The following XIRP2 variants were observed in gnomAD, a reference collection of about 807,000 sequenced individuals.
XIRP2 encodes the protein xin actin binding repeat containing 2.
Under a neutral mutation model 277.0 loss-of-function variants are expected in XIRP2, and 236 were observed. That is an observed-to-expected ratio of 0.85 (90% CI 0.77 to 0.95). The LOEUF (loss-of-function observed/expected upper bound fraction) is 0.95, where lower values mean the gene tolerates loss of function less well. XIRP2 is among the 40% of genes least tolerant of loss of function. The probability of loss-of-function intolerance (pLI) is 0.00; values close to 1 mark genes in which losing one functional copy is unlikely to be tolerated. For synonymous variants in XIRP2, 1,490 were observed against 1,416.5 expected, an observed-to-expected ratio of 1.05 and a Z score of -1.17; for missense variants, 4,640 against 4,157.5, an observed-to-expected ratio of 1.12 and a Z score of -3.19.
Position 167,239,947 on chromosome 2 carries a change from T to A in XIRP2, c.951T>A (p.Asp317Glu), listed in dbSNP as rs1695005419. The A allele has an allele frequency of 1.9e-6, 3 of 1,602,156 alleles. No individual in the cohort carries two copies. In the East Asian group the frequency reaches 6.7e-5, roughly 36 times the overall value. The change falls in exon 6 of 11, where the codon GAT becomes GAA. Residue 317 changes from aspartate to glutamate, a missense_variant. By Grantham distance (45) the Asp-to-Glu change is conservative. Coordinates refer to ENST00000409195, the MANE Select transcript of XIRP2 (RefSeq NM_152381.6). ...EQEGSKVQKI[D>E]VHGTEMVSHL... ...AAGGGTCCAAAGTACAGAAAATTGA[T>A]GTTCATGGAACAGAAATGGTAACTA...
chr2:167,086,708 G>T (rs1469657470), intron 2 of XIRP2, among the ~76,000 whole-genome samples: 1 of 151,442 alleles, frequency 6.6e-6, no homozygotes, highest in Non-Finnish European at 1.5e-5. Flanking sequence ...TTCCATTGCT[G>T]ATACCCTTTC....
chr2:167,212,605 G>T (rs1430675226), intron 4 of XIRP2, among the ~76,000 whole-genome samples: 2 of 152,164 alleles, frequency 1.3e-5, no homozygotes, highest in African/African-American at 4.8e-5. Flanking sequence ...AAAAGCAAGA[G>T]AAAGTTACTT....
At chr2:166,913,789 A>T (rs1376340667) in intron 2 of XIRP2, among the ~76,000 whole-genome samples, 1 of 152,238 alleles carries the variant, frequency 6.6e-6, no homozygotes, top group Non-Finnish European at 1.5e-5. Flanking sequence ...AGGTAAGTTT[A>T]ACTAAATACA....
Position 167,250,176 on chromosome 2 carries a change from C to T in XIRP2, c.8784C>T (p.Ser2928=). 6.2e-7 allele frequency: 1 copy of T among 1,613,382 alleles called. No homozygotes were observed. Among genetic ancestry groups the T allele is most frequent in the Non-Finnish European group, 8.5e-7 (1 of 1,179,632 alleles). ...QEITQNKSFF[S]SVKESQRDDG... ...TTACACAGAACAAATCTTTCTTTTC[C>T]TCTGTGAAAGAATCCCAGCGGGATG... is the stretch of plus-strand genomic sequence containing the variant. The change falls in exon 9 of 11, where the codon TCC becomes TCT. Residue 2928 remains serine (S), a synonymous_variant. Coordinates refer to ENST00000409195, the MANE Select transcript of XIRP2 (RefSeq NM_152381.6).
chr2:166,937,219 T>C (rs1365133667), intron 2 of XIRP2, among the ~76,000 whole-genome samples: 1 of 152,206 alleles, frequency 6.6e-6, no homozygotes, highest in Admixed American at 6.5e-5. Context: ...TGATATTGGC[T>C]GTGGGTTTGT....
intron 2 of XIRP2, among the ~76,000 whole-genome samples, chr2:167,096,066 G>A (rs1168750163): frequency 7.0e-6 from 1 of 143,862 alleles, no homozygotes; most frequent in African/African-American, 2.8e-5. Flanking sequence ...GTAGAGACTG[G>A]ATTTCACTGG....
intron 2 of XIRP2, among the ~76,000 whole-genome samples, chr2:166,924,905 G>A (rs56393673): frequency 1.4e-3 from 211 of 152,076 alleles, no homozygotes; most frequent in Non-Finnish European, 2.4e-3. Flanking sequence ...TTTCTTTAAC[G>A]CAAAAGCAAG....
intron 5 of XIRP2, among the ~76,000 whole-genome samples, chr2:167,218,925 A>T (rs1694337064): frequency 6.6e-6 from 1 of 152,170 alleles, no homozygotes; most frequent in South Asian, 2.1e-4. Flanking sequence ...AATAAAACTC[A>T]TCAGACTTTG....
intron 5 of XIRP2, among the ~76,000 whole-genome samples, chr2:167,227,996 AAGAC>A (rs1352294482): frequency 6.6e-6 from 1 of 152,144 alleles, no homozygotes; most frequent in Non-Finnish European, 1.5e-5. Context: ...TGTTTCATGA[AAGAC>A]AGAGCTTTAC....
intron 2 of XIRP2, among the ~76,000 whole-genome samples, chr2:167,013,897 A>T (rs1687750778): frequency 6.6e-6 from 1 of 150,982 alleles, no homozygotes; most frequent in South Asian, 2.1e-4. Context: ...CTCATCCTAC[A>T]ACACTCTGAT....
intron 2 of XIRP2, among the ~76,000 whole-genome samples, chr2:167,065,818 AG>A: frequency 6.6e-6 from 1 of 151,968 alleles, no homozygotes; most frequent in Non-Finnish European, 1.5e-5. Context: ...TATTTTTGAA[AG>A]GTATTTTCAC....
At position 167,246,877 on chromosome 2, in the gene XIRP2, G is replaced by A. The variant is rs1314262954; in HGVS notation, c.5485G>A (p.Gly1829Ser). ...TATGACCGAGCCTCAGAGTACATTT[G>A]GTAAGATACCCAAAGAAGAGATTAT... ...VFMTEPQSTFGKIPKEEIIKG... is the reference protein window; with the variant it reads ...VFMTEPQSTFSKIPKEEIIKG... Residue 1829 changes from glycine (G) to serine (S), a missense_variant, in exon 9 of 11, where the codon GGT (glycine) becomes AGT (serine). By Grantham distance (56) the Gly-to-Ser change is moderately conservative. Transcript: ENST00000409195. 5 of 1,613,454 alleles carry A rather than the reference G, an allele frequency of 3.1e-6. No individual in the cohort carries two copies. Among genetic ancestry groups the A allele is most frequent in the African/African-American group, 1.3e-5 (1 of 74,836 alleles).
chr2:167,251,721 A>G lies in XIRP2; in HGVS notation c.10329A>G (p.Glu3443=), dbSNP rs1242304803. 1 of 1,613,406 alleles carries G rather than the reference A, an allele frequency of 6.2e-7. No homozygotes were observed. Among genetic ancestry groups the G allele is most frequent in the Non-Finnish European group, 8.5e-7 (1 of 1,179,612 alleles). Residue 3443 remains glutamate (E), a synonymous_variant, in exon 9 of 11, where the codon GAA becomes GAG. Coordinates refer to ENST00000409195, the MANE Select transcript of XIRP2 (RefSeq NM_152381.6). ...AAACCTCTTCATCACATAGCTCAGA[A>G]GCTGGCAAATCTGGCTGTGACTTCA... ...KMKTSSSHSS[E]AGKSGCDFKH...
intron 2 of XIRP2, among the ~76,000 whole-genome samples, chr2:166,921,475 C>A (rs1255120220): frequency 6.6e-6 from 1 of 152,118 alleles, no homozygotes; most frequent in Non-Finnish European, 1.5e-5. Context: ...CTGGGAACAT[C>A]CCTAGTTTAC....
chr2:166,984,158 T>C (rs1038490649), intron 2 of XIRP2, among the ~76,000 whole-genome samples: 1 of 152,210 alleles, frequency 6.6e-6, no homozygotes, highest in Admixed American at 6.5e-5. Flanking sequence ...ACAGCTCCAC[T>C]AGAAGACTGC....
intron 2 of XIRP2, among the ~76,000 whole-genome samples, chr2:166,976,798 C>T (rs1405732612): frequency 2.6e-5 from 4 of 152,194 alleles, no homozygotes; most frequent in African/African-American, 7.2e-5. Flanking sequence ...TACATACCCA[C>T]TATATACCAT....
intron 2 of XIRP2, among the ~76,000 whole-genome samples, chr2:166,961,021 T>C (rs1686284228): frequency 6.6e-6 from 1 of 151,740 alleles, no homozygotes; most frequent in Non-Finnish European, 1.5e-5. Context: ...ATAACATGAA[T>C]ATGAAGAGTA....
intron 3 of XIRP2, among the ~76,000 whole-genome samples, chr2:167,146,202 G>T (rs546399257): frequency 6.6e-6 from 1 of 151,572 alleles, no homozygotes; most frequent in Non-Finnish European, 1.5e-5. Flanking sequence ...TAAATTCAAA[G>T]AATTTAATTA....
intron 2 of XIRP2, among the ~76,000 whole-genome samples, chr2:167,096,281 GTGTA>G (rs750523876): frequency 4.6e-5 from 7 of 151,868 alleles, no homozygotes; most frequent in Admixed American, 6.6e-5. Context: ...TCTTGGGAAG[GTGTA>G]TGTGTCGAGG....
Sources: allele counts gnomAD v4.1 joint callset (sites outside exome capture counted in the v4.1 genomes callset), GRCh38; gene constraint gnomAD v4.1.1; transcripts MANE v1.5; gene names NCBI Gene and HGNC (gene_info 2026-07-23, HGNC 2026-07-21).